Variants in CHODL observed in about 807,000 individuals in gnomAD.
CHODL encodes the protein chondrolectin, also known as transmembrane protein MT75.
In CHODL, 29 loss-of-function variants were observed where a neutral mutation model predicts 34.5. The observed-to-expected ratio is 0.84, with a 90% CI of 0.63 to 1.15. The LOEUF is 1.15. Among genes scored for constraint, CHODL ranks in the 50% most tolerant of loss-of-function variants. The pLI, the probability that CHODL is intolerant of heterozygous loss-of-function variation, is 0.00. For missense variants in CHODL, 332 were observed against 332.5 expected, an observed-to-expected ratio of 1.00 and a Z score of 0.01; for synonymous variants, 125 against 116.1, an observed-to-expected ratio of 1.08 and a Z score of -0.49.
chr21:17,990,888 G>A (rs771104905), intron 1 of CHODL, among the ~76,000 whole-genome samples: 1 of 151,976 alleles, frequency 6.6e-6, no homozygotes, highest in Non-Finnish European at 1.5e-5. Flanking sequence ...TCACCCTACT[G>A]TGCTATTGAA....
intron 2 of CHODL, among the ~76,000 whole-genome samples, chr21:18,045,513 TAGGAAGAGGCA>T (rs963277434): frequency 2.6e-5 from 4 of 151,950 alleles, no homozygotes; most frequent in South Asian, 4.1e-4. Flanking sequence ...TCCCAGAAGC[TAGGAAGAGGCA>T]AGGAAGAATT....
chr21:18,026,779 A>G lies in CHODL; in HGVS notation c.-144-1093A>G, dbSNP rs368124775. 2.2e-4 allele frequency among the ~76,000 whole-genome samples: 33 copies of G among 152,328 alleles called. No individual in the cohort carries two copies. In the East Asian group the frequency reaches 4.2e-3, roughly 20 times the overall value. On this transcript the variant is annotated intron_variant, in intron 1 of 6. Transcript: ENST00000400127. ...TATCCTAAGTCGTTTCTGGAATGCT[A>G]TGTGCACTGTAATGTGGAGGGCGCA...
chr21:17,965,679 C>T (rs879617864), intron 1 of CHODL, among the ~76,000 whole-genome samples: 2 of 152,044 alleles, frequency 1.3e-5, no homozygotes, highest in African/African-American at 2.4e-5. Context: ...GTTTCTTGAG[C>T]AGAGGGTCCA....
At chr21:18,084,933 G>GTGTA (rs991717309) in intron 2 of CHODL, among the ~76,000 whole-genome samples, 7 of 149,992 alleles carry the variant, frequency 4.7e-5, no homozygotes, top group African/African-American at 1.7e-4. Context: ...GTGTGTGTGT[G>GTGTA]TGTGTGTGTG....
intron 1 of CHODL, among the ~76,000 whole-genome samples, chr21:17,978,487 G>A (rs2063686700): frequency 6.6e-6 from 1 of 151,680 alleles, no homozygotes; most frequent in East Asian, 1.9e-4. Context: ...GGGAGGCCGA[G>A]GTGGGCGGAT....
intron 2 of CHODL, among the ~76,000 whole-genome samples, chr21:18,110,781 T>A (rs1259129464): frequency 6.6e-6 from 1 of 152,210 alleles, no homozygotes; most frequent in Non-Finnish European, 1.5e-5. Flanking sequence ...CATGGGACAG[T>A]TCTAAGTAAC....
chr21:17,959,057 C>T (rs530004588), intron 1 of CHODL, among the ~76,000 whole-genome samples: 5 of 152,054 alleles, frequency 3.3e-5, no homozygotes, highest in African/African-American at 1.2e-4. Flanking sequence ...TATAATTACC[C>T]CCGCTAAAAG....
At chr21:18,081,558 G>A (rs538735708) in intron 2 of CHODL, among the ~76,000 whole-genome samples, 1 of 152,044 alleles carries the variant, frequency 6.6e-6, no homozygotes, top group Non-Finnish European at 1.5e-5. Context: ...ATGCGTGCCT[G>A]TAATCCCAGC....
intron 2 of CHODL, among the ~76,000 whole-genome samples, chr21:18,237,825 A>C (rs1009261164): frequency 5.3e-5 from 8 of 152,250 alleles, no homozygotes; most frequent in African/African-American, 1.9e-4. Flanking sequence ...TCTACTGTTT[A>C]TTTACAGTAG....
intron 2 of CHODL, among the ~76,000 whole-genome samples, chr21:18,081,118 C>A (rs755147358): frequency 1.3e-5 from 2 of 152,038 alleles, no homozygotes; most frequent in Non-Finnish European, 2.9e-5. Context: ...GAATTGCCTT[C>A]GGATTTTGTC....
At chr21:17,988,325 C>G (rs1395026976) in intron 1 of CHODL, among the ~76,000 whole-genome samples, 2 of 151,524 alleles carry the variant, frequency 1.3e-5, no homozygotes, top group East Asian at 1.9e-4. Flanking sequence ...CCTCATCTAC[C>G]TGGACACAGC....
intron 1 of CHODL, among the ~76,000 whole-genome samples, chr21:18,019,662 C>A (rs560028909): frequency 6.6e-6 from 1 of 152,028 alleles, no homozygotes; most frequent in Non-Finnish European, 1.5e-5. Flanking sequence ...TTTAAAATAT[C>A]TTTGTTTTTT....
chr21:17,995,035 A>C (rs1474198881), intron 1 of CHODL, among the ~76,000 whole-genome samples: 1 of 152,126 alleles, frequency 6.6e-6, no homozygotes, highest in Non-Finnish European at 1.5e-5. Context: ...TGCATGGGCC[A>C]GAGTGCTAGG....
chr21:18,056,063 T>C (rs141844852), intron 2 of CHODL, among the ~76,000 whole-genome samples: 93 of 152,162 alleles, frequency 6.1e-4, no homozygotes, highest in African/African-American at 2.1e-3. Flanking sequence ...AGCACTATCT[T>C]AGATTTTTTT....
intron 2 of CHODL, among the ~76,000 whole-genome samples, chr21:18,223,941 C>A (rs1172893938): frequency 2.6e-5 from 4 of 152,106 alleles, no homozygotes; most frequent in Non-Finnish European, 5.9e-5. Flanking sequence ...TACCAAGAGC[C>A]CAGTGTTAGC....
chr21:18,002,602 G>C (rs2063916867), intron 1 of CHODL, among the ~76,000 whole-genome samples: 1 of 152,120 alleles, frequency 6.6e-6, no homozygotes, highest in Admixed American at 6.6e-5. Context: ...TTCTCTATGA[G>C]CATATCATGA....
At chr21:18,195,952 T>C (rs1601134595) in intron 2 of CHODL, among the ~76,000 whole-genome samples, 4 of 152,218 alleles carry the variant, frequency 2.6e-5, no homozygotes, top group African/African-American at 7.2e-5. Flanking sequence ...CAGAGGCATG[T>C]GACAACCCTT....
At position 18,266,216 on chromosome 21, in the gene CHODL, T is replaced by G. The variant is rs1443631218; in HGVS notation, c.*178T>G. On this transcript the variant is annotated 3_prime_UTR_variant, in exon 6 of 6. Transcript: ENST00000299295. The stretch of plus-strand genomic sequence containing the variant: ...TGTCTATTATTTCATTTAAAGAATA[T>G]GCTGTGCTAATAATGGAGTGAGACA... 6.6e-7 allele frequency: 1 copy of G among 1,526,700 alleles called. No homozygotes were observed. Among genetic ancestry groups the G allele is most frequent in the African/African-American group, 1.4e-5 (1 of 72,104 alleles). 94.6% of individuals were successfully genotyped at this position (1,526,700 alleles called of 1,614,324 possible).
intron 1 of CHODL, among the ~76,000 whole-genome samples, chr21:18,002,534 G>A (rs1281697036): frequency 3.9e-5 from 6 of 152,124 alleles, no homozygotes; most frequent in Non-Finnish European, 5.9e-5. Flanking sequence ...TGAGACATAC[G>A]AAGTATATGA....
Sources: gnomAD v4.1 joint callset for allele counts (sites outside exome capture counted in the v4.1 genomes callset) on GRCh38, gnomAD v4.1.1 for gene constraint, MANE v1.5 for transcripts, NCBI Gene and HGNC (gene_info 2026-07-23, HGNC 2026-07-21) for gene names.